FBXL17: variants seen among roughly 807,000 people sequenced by gnomAD.
The protein encoded by FBXL17 is F-box and leucine rich repeat protein 17.
A neutral mutation model predicts 66.2 loss-of-function variants in FBXL17; 22 were observed. The observed-to-expected ratio is 0.33, with a 90% CI of 0.24 to 0.47. FBXL17 has a LOEUF of 0.47. Among genes scored for constraint, FBXL17 ranks in the 20% least tolerant of loss-of-function variants. FBXL17 has a pLI of 1.00. For synonymous variants in FBXL17, 474 were observed against 400.5 expected (o/e 1.18, Z -2.19); for missense variants, 878 against 948.2 (o/e 0.93, Z 0.97).
intron 8 of FBXL17, among the ~76,000 whole-genome samples, chr5:107,868,731 C>T (rs1748355625): frequency 6.6e-6 from 1 of 152,226 alleles, no homozygotes; most frequent in Non-Finnish European, 1.5e-5. Flanking sequence ...AGGAAGCCTG[C>T]AGTAGGCACC....
rs142645607 is a variant in FBXL17, at chr5:108,182,775, G to C, written c.1745+3342C>G. On this transcript the variant is annotated intron_variant, in intron 6 of 8. Coordinates refer to ENST00000542267, the MANE Select transcript of FBXL17 (RefSeq NM_001163315.3). The stretch of plus-strand genomic sequence containing the variant: ...AAGGAAAGGCAAAGTGAGAGCTCTC[G>C]ACATTTTCATTTGTAAATTACCCAG... Among the ~76,000 whole-genome samples, 8 of 152,170 alleles carry C rather than the reference G, an allele frequency of 5.3e-5. No individual in the cohort carries two copies. In the South Asian group the frequency reaches 1.5e-3, roughly 28 times the overall value.
At chr5:108,299,748 T>C (rs1580771520) in intron 4 of FBXL17, 5 of 984,878 alleles carry the variant, frequency 5.1e-6, no homozygotes, top group Non-Finnish European at 4.8e-6. Context: ...CTGCAGGAGC[T>C]GATTGAAGCA....
At chr5:108,242,164 T>G (rs1755882062) in intron 4 of FBXL17, among the ~76,000 whole-genome samples, 1 of 152,206 alleles carries the variant, frequency 6.6e-6, no homozygotes, top group African/African-American at 2.4e-5. Flanking sequence ...TACTAGTATC[T>G]TAAGTAGAAA....
At chr5:108,168,784 A>G (rs1488240080) in intron 6 of FBXL17, among the ~76,000 whole-genome samples, 1 of 152,192 alleles carries the variant, frequency 6.6e-6, no homozygotes, top group Admixed American at 6.5e-5. Flanking sequence ...CAAATTCTAA[A>G]TGCTTTACCA....
intron 6 of FBXL17, among the ~76,000 whole-genome samples, chr5:108,114,895 G>A (rs1159458281): frequency 6.6e-6 from 1 of 152,124 alleles, no homozygotes; most frequent in Non-Finnish European, 1.5e-5. Flanking sequence ...CAAGGTAAAT[G>A]ACAAACATGT....
chr5:108,015,754 C>T (rs754630605), intron 7 of FBXL17, among the ~76,000 whole-genome samples: 2 of 152,106 alleles, frequency 1.3e-5, no homozygotes, highest in Non-Finnish European at 2.9e-5. Context: ...GGTTAACTAA[C>T]AGCTTAAAAG....
At chr5:107,875,989 A>G (rs1163038212) in intron 8 of FBXL17, among the ~76,000 whole-genome samples, 1 of 152,222 alleles carries the variant, frequency 6.6e-6, no homozygotes, top group East Asian at 1.9e-4. Flanking sequence ...TATGTCAACT[A>G]GAAATCAAAG....
chr5:108,227,499 G>A (rs17451397), intron 4 of FBXL17, among the ~76,000 whole-genome samples: 13,540 of 152,138 alleles, frequency 0.089, 860 homozygotes, highest in Non-Finnish European at 0.13. Flanking sequence ...AGATGAGATC[G>A]ACAAATTTAA....
At chr5:108,094,668 T>C (rs1749304921) in intron 6 of FBXL17, among the ~76,000 whole-genome samples, 1 of 152,116 alleles carries the variant, frequency 6.6e-6, no homozygotes, top group African/African-American at 2.4e-5. Flanking sequence ...AAAGGTCTTT[T>C]TGTAATTGAA....
At position 108,221,494 on chromosome 5, in the gene FBXL17, A is replaced by T. The variant is rs574806594; in HGVS notation, c.1614+2627T>A. 1.7e-3 allele frequency among the ~76,000 whole-genome samples: 259 copies of T among 152,324 alleles called. 1 individual carries two copies. The highest frequency in any genetic ancestry group is 5.6e-3 in the African/African-American group (233 of 41,594). ...ACATAATTTCAAAGACAGGAAACTAAGGTACAGAAATTTTATGCTCTTTGC... is the reference window on the plus strand; with the variant it reads ...ACATAATTTCAAAGACAGGAAACTATGGTACAGAAATTTTATGCTCTTTGC... On this transcript the variant is annotated intron_variant, in intron 5 of 8. Coordinates refer to ENST00000542267, the MANE Select transcript of FBXL17 (RefSeq NM_001163315.3).
At chr5:108,182,183 T>C (rs894520292) in intron 6 of FBXL17, among the ~76,000 whole-genome samples, 1 of 152,156 alleles carries the variant, frequency 6.6e-6, no homozygotes, top group African/African-American at 2.4e-5. Flanking sequence ...GTAGCAAGTA[T>C]TTAGTAGGGG....
At chr5:108,260,743 G>A (rs961785581) in intron 4 of FBXL17, among the ~76,000 whole-genome samples, 1 of 152,070 alleles carries the variant, frequency 6.6e-6, no homozygotes, top group African/African-American at 2.4e-5. Flanking sequence ...GAGCAGAGGA[G>A]GCAATGGCCA....
At chr5:108,035,576 A>T (rs1254854439) in intron 6 of FBXL17, among the ~76,000 whole-genome samples, 1 of 152,150 alleles carries the variant, frequency 6.6e-6, no homozygotes, top group Non-Finnish European at 1.5e-5. Flanking sequence ...CATGTTGGTC[A>T]GGCTGGTCTC....
intron 4 of FBXL17, among the ~76,000 whole-genome samples, chr5:108,224,558 A>ACAAAC (rs1755016321): frequency 8.3e-6 from 1 of 120,370 alleles, no homozygotes; most frequent in Non-Finnish European, 1.7e-5. Context: ...CACACACACA[A>ACAAAC]ACACACACAT....
At chr5:108,069,277 G>A (rs1748240525) in intron 6 of FBXL17, among the ~76,000 whole-genome samples, 1 of 152,186 alleles carries the variant, frequency 6.6e-6, no homozygotes, top group Non-Finnish European at 1.5e-5. Flanking sequence ...TATTGAAAAG[G>A]TGGATATCAA....
At chr5:108,141,190 G>A (rs1027370593) in intron 6 of FBXL17, among the ~76,000 whole-genome samples, 8 of 152,042 alleles carry the variant, frequency 5.3e-5, no homozygotes, top group African/African-American at 1.9e-4. Flanking sequence ...GCCCAGGATG[G>A]ATTATCTACC....
At chr5:108,299,183 A>G (rs949581736) in intron 4 of FBXL17, 2 of 984,678 alleles carry the variant, frequency 2.0e-6, no homozygotes, top group African/African-American at 1.7e-5. Context: ...TTTTAAACAA[A>G]TGGCAGAGTT....
intron 7 of FBXL17, among the ~76,000 whole-genome samples, chr5:107,998,789 G>C (rs1475668840): frequency 6.6e-6 from 1 of 152,088 alleles, no homozygotes; most frequent in African/African-American, 2.4e-5. Flanking sequence ...CATTGCTAAA[G>C]TTCTGTCATT....
intron 4 of FBXL17, among the ~76,000 whole-genome samples, chr5:108,273,724 T>C (rs1408250290): frequency 1.3e-5 from 2 of 152,128 alleles, no homozygotes; most frequent in African/African-American, 2.4e-5. Flanking sequence ...AATTAGTTGA[T>C]TTGATATATG....
Sources: allele counts gnomAD v4.1 joint callset (sites outside exome capture counted in the v4.1 genomes callset), GRCh38; gene constraint gnomAD v4.1.1; transcripts MANE v1.5; gene names NCBI Gene and HGNC (gene_info 2026-07-23, HGNC 2026-07-21).